The following PLCXD3 variants were observed in gnomAD, a reference collection of about 807,000 sequenced individuals.
PLCXD3 encodes PI-PLC X domain-containing protein 3.
Under a neutral mutation model 25.5 loss-of-function variants are expected in PLCXD3, and 19 were observed. That is an observed-to-expected ratio of 0.75 (90% CI 0.52 to 1.09). The LOEUF is 1.09. PLCXD3 is among the 50% of genes least tolerant of loss of function. The pLI is 0.00. For synonymous variants in PLCXD3, 174 were observed against 137.6 expected (o/e 1.26, Z -1.85); for missense variants, 411 against 388.1 (o/e 1.06, Z -0.50).
At chr5:41,387,044 G>T (rs1745659513) in intron 1 of PLCXD3, among the ~76,000 whole-genome samples, 1 of 151,970 alleles carries the variant, frequency 6.6e-6, no homozygotes. Flanking sequence ...CACTCCATCT[G>T]CATATCATGC....
intron 1 of PLCXD3, among the ~76,000 whole-genome samples, chr5:41,496,899 A>G (rs1748852777): frequency 6.6e-6 from 1 of 151,856 alleles, no homozygotes; most frequent in South Asian, 2.1e-4. Context: ...ATATTAAAGG[A>G]TAGAAAATAT....
At chr5:41,379,635 G>A (rs937607410) in intron 2 of PLCXD3, among the ~76,000 whole-genome samples, 1 of 151,976 alleles carries the variant, frequency 6.6e-6, no homozygotes, top group Admixed American at 6.6e-5. Flanking sequence ...TGTTATCCTA[G>A]GGCAGAAGAT....
In PLCXD3 at chr5:41,382,272, A is replaced by G. The variant is rs775642344; in HGVS notation, c.366T>C (p.Asn122=). The change falls in exon 2 of 3, where the codon AAT becomes AAC. Residue 122 remains asparagine, a synonymous_variant. Transcript: ENST00000377801. The part of the protein sequence containing the change: ...FAHGLFSAKV[N]EGLEEINAFL... ...ATGCATTGATCTCCTCAAGGCCTTC[A>G]TTGACTTTGGCACTGAACAAACCAT... The G allele has an allele frequency of 1.2e-6, 2 of 1,613,574 alleles. No homozygotes were observed. Among genetic ancestry groups the G allele is most frequent in the South Asian group, 2.2e-5 (2 of 91,086 alleles).
intron 1 of PLCXD3, among the ~76,000 whole-genome samples, chr5:41,481,123 A>G (rs1748404781): frequency 6.6e-6 from 1 of 151,162 alleles, no homozygotes; most frequent in African/African-American, 2.4e-5. Flanking sequence ...AAAAAAAAAA[A>G]AAAAGAAAGG....
chr5:41,450,351 C>T (rs1747600576), intron 1 of PLCXD3, among the ~76,000 whole-genome samples: 1 of 152,052 alleles, frequency 6.6e-6, no homozygotes, highest in African/African-American at 2.4e-5. Flanking sequence ...AGCTTCTCTG[C>T]TCTGTTTTTC....
At chr5:41,327,865 G>T (rs1458715164) in intron 2 of PLCXD3, among the ~76,000 whole-genome samples, 1 of 152,022 alleles carries the variant, frequency 6.6e-6, no homozygotes, top group African/African-American at 2.4e-5. Context: ...CAGTGCAGTG[G>T]CATAGTCATA....
intron 1 of PLCXD3, among the ~76,000 whole-genome samples, chr5:41,444,039 T>C (rs959897240): frequency 6.6e-6 from 1 of 152,198 alleles, no homozygotes; most frequent in Non-Finnish European, 1.5e-5. Context: ...ATATACTTTC[T>C]TCTCAGGTGT....
intron 1 of PLCXD3, among the ~76,000 whole-genome samples, chr5:41,402,599 T>C (rs1746219178): frequency 1.3e-5 from 2 of 151,912 alleles, no homozygotes. Context: ...AATGTGCAAG[T>C]CTTCCATATC....
At chr5:41,489,518 G>A (rs1748604441) in intron 1 of PLCXD3, among the ~76,000 whole-genome samples, 1 of 152,104 alleles carries the variant, frequency 6.6e-6, no homozygotes, top group Non-Finnish European at 1.5e-5. Flanking sequence ...AATTACCTTG[G>A]GCAGTATGGC....
In PLCXD3 at chr5:41,309,038, G is replaced by A. The variant is rs1465574487; in HGVS notation, c.*4579C>T. On this transcript the variant is annotated 3_prime_UTR_variant, in exon 3 of 3. Coordinates refer to ENST00000377801, the MANE Select transcript of PLCXD3 (RefSeq NM_001005473.3). ...TCCAAATTGCAAAAACAACAAAAAA[G>A]TGTTAATAAATTAAGGCTGGTCACA... The A allele has an allele frequency of 6.6e-6, 1 of 152,482 alleles. No individual in the cohort carries two copies. The highest frequency in any genetic ancestry group is 1.5e-5 in the Non-Finnish European group (1 of 68,004). 9.4% of individuals were successfully genotyped at this position (152,482 alleles called of 1,614,324 possible).
intron 2 of PLCXD3, among the ~76,000 whole-genome samples, chr5:41,357,273 A>G (rs1193435532): frequency 6.6e-6 from 1 of 152,230 alleles, no homozygotes; most frequent in African/African-American, 2.4e-5. Flanking sequence ...GTACCTTGGT[A>G]TAAAGCAATA....
intron 1 of PLCXD3, among the ~76,000 whole-genome samples, chr5:41,398,301 C>T (rs960060657): frequency 2.0e-5 from 3 of 152,148 alleles, no homozygotes; most frequent in Non-Finnish European, 2.9e-5. Flanking sequence ...CTCATGAGAT[C>T]TGGTTGTTTG....
intron 1 of PLCXD3, among the ~76,000 whole-genome samples, chr5:41,461,349 G>A (rs1375626616): frequency 6.6e-6 from 1 of 151,828 alleles, no homozygotes; most frequent in Non-Finnish European, 1.5e-5. Flanking sequence ...CTAAAGATCA[G>A]AAAATTATCC....
intron 1 of PLCXD3, among the ~76,000 whole-genome samples, chr5:41,445,035 T>C (rs1747463779): frequency 1.3e-5 from 2 of 152,230 alleles, no homozygotes; most frequent in Admixed American, 6.5e-5. Flanking sequence ...AGTGTAAATA[T>C]GACATGCTTT....
At chr5:41,421,276 T>A (rs1355077697) in intron 1 of PLCXD3, among the ~76,000 whole-genome samples, 1 of 152,234 alleles carries the variant, frequency 6.6e-6, no homozygotes, top group African/African-American at 2.4e-5. Flanking sequence ...TCCCTAATTC[T>A]TTTTTAATTG....
intron 2 of PLCXD3, among the ~76,000 whole-genome samples, chr5:41,369,016 G>A (rs993535194): frequency 3.9e-5 from 6 of 152,098 alleles, no homozygotes; most frequent in African/African-American, 1.4e-4. Flanking sequence ...TGTGTTTGGG[G>A]TCTTGTTGGT....
chr5:41,392,256 C>A (rs1745849176), intron 1 of PLCXD3, among the ~76,000 whole-genome samples: 1 of 152,096 alleles, frequency 6.6e-6, no homozygotes, highest in Admixed American at 6.6e-5. Flanking sequence ...CAGGTCTGAC[C>A]TAGCACAGTC....
rs1743062523 is a variant in PLCXD3 at position 41,308,975 on chromosome 5, A to G, written c.*4642T>C. 2 of 152,736 alleles carry G rather than the reference A, an allele frequency of 1.3e-5. No individual in the cohort carries two copies. Among genetic ancestry groups the G allele is most frequent in the East Asian group, 1.9e-4 (1 of 5,184 alleles). The allele number at this position is 152,736 out of a possible 1,614,324, so 9.5% of individuals were successfully genotyped here. A position where few individuals can be genotyped will look rare whatever the true frequency, so the allele number is the denominator to read the frequency against. The stretch of plus-strand genomic sequence containing the variant: ...ATTCCTCACAAAATTAAAAGACACC[A>G]TTTTTAACAAAAACTTAATTTCTGT... On this transcript the variant is annotated 3_prime_UTR_variant, in exon 3 of 3. Coordinates refer to ENST00000377801, the MANE Select transcript of PLCXD3 (RefSeq NM_001005473.3).
intron 2 of PLCXD3, among the ~76,000 whole-genome samples, chr5:41,360,538 C>A (rs1203722936): frequency 6.6e-6 from 1 of 152,180 alleles, no homozygotes; most frequent in African/African-American, 2.4e-5. Flanking sequence ...ATTCTTTTAT[C>A]CCACGGAGTG....
Sources: gnomAD v4.1 joint callset for allele counts (sites outside exome capture counted in the v4.1 genomes callset) on GRCh38, gnomAD v4.1.1 for gene constraint, MANE v1.5 for transcripts, NCBI Gene and HGNC (gene_info 2026-07-23, HGNC 2026-07-21) for gene names.